CEP126: variants seen among roughly 807,000 people sequenced by gnomAD.
CEP126 encodes centrosomal protein 126, also known as centrosomal protein of 126 kDa.
In CEP126, 74 loss-of-function variants were observed where a neutral mutation model predicts 107.8. That is an observed-to-expected ratio of 0.69 (90% CI 0.57 to 0.83). CEP126 has a LOEUF of 0.83. Among genes scored for constraint, CEP126 ranks in the 40% least tolerant of loss-of-function variants. The probability of loss-of-function intolerance (pLI) is 0.00; values close to 1 mark genes in which losing one functional copy is unlikely to be tolerated. For synonymous variants in CEP126, 449 were observed against 446.0 expected (o/e 1.01, Z -0.08); for missense variants, 1,237 against 1,281.9 (o/e 0.96, Z 0.53).
At chr11:101,941,611 A>G (rs1940665450) in intron 2 of CEP126, among the ~76,000 whole-genome samples, 1 of 152,162 alleles carries the variant, frequency 6.6e-6, no homozygotes, top group Non-Finnish European at 1.5e-5. Flanking sequence ...AAATGGGTAT[A>G]AAAATATCTG....
chr11:101,917,772 A>G (rs1383906792), intron 1 of CEP126, among the ~76,000 whole-genome samples: 2 of 152,018 alleles, frequency 1.3e-5, no homozygotes, highest in East Asian at 1.9e-4. Flanking sequence ...TCTCTCACCA[A>G]CATCTTTGGC....
intron 1 of CEP126, among the ~76,000 whole-genome samples, chr11:101,921,969 A>G (rs1940335337): frequency 1.3e-5 from 2 of 150,880 alleles, no homozygotes; most frequent in East Asian, 2.0e-4. Flanking sequence ...TGTTTTCAGT[A>G]GAGACAGGTT....
chr11:101,938,934 A>G (rs1940629934), intron 2 of CEP126, among the ~76,000 whole-genome samples: 1 of 152,196 alleles, frequency 6.6e-6, no homozygotes, highest in Non-Finnish European at 1.5e-5. Flanking sequence ...GGTCAAAAAC[A>G]TACCCTGTAA....
Position 101,915,247 on chromosome 11 carries a change from T to A in CEP126, c.-38T>A, listed in dbSNP as rs368560519. On this transcript the variant is annotated 5_prime_UTR_variant, in exon 1 of 11. Transcript: ENST00000263468. ...GAAGCCGGAGCTGCCATGAGGGAGG[T>A]TCTGGGGGCGAGCAGACAGGCGGCG... The A allele has an allele frequency of 1.9e-6, 3 of 1,605,702 alleles. No individual in the cohort carries two copies. Among genetic ancestry groups the A allele is most frequent in the Non-Finnish European group, 2.6e-6 (3 of 1,176,190 alleles).
chr11:101,946,085 A>G (rs549311834), intron 3 of CEP126, among the ~76,000 whole-genome samples: 1 of 152,328 alleles, frequency 6.6e-6, no homozygotes, highest in African/African-American at 2.4e-5. Flanking sequence ...CTCCTAAATT[A>G]AAGCAGTGCA....
At chr11:101,968,158 TTTTTA>T (rs1206568405) in intron 6 of CEP126, among the ~76,000 whole-genome samples, 1 of 152,138 alleles carries the variant, frequency 6.6e-6, no homozygotes, top group East Asian at 1.9e-4. Flanking sequence ...CTATGAGACT[TTTTTA>T]GCGGGAGATT....
At chr11:101,938,958 T>A (rs756497046) in intron 2 of CEP126, among the ~76,000 whole-genome samples, 2 of 152,192 alleles carry the variant, frequency 1.3e-5, no homozygotes, top group Non-Finnish European at 2.9e-5. Flanking sequence ...TTTAATCTTA[T>A]GAAATTCATT....
intron 9 of CEP126, among the ~76,000 whole-genome samples, chr11:101,990,374 C>T (rs1375376179): frequency 2.0e-5 from 3 of 152,152 alleles, no homozygotes; most frequent in Non-Finnish European, 4.4e-5. Context: ...ACAGAGGCAG[C>T]GTACCTTCTT....
chr11:101,992,771 A>C lies in CEP126; in HGVS notation c.3245-7A>C. The C allele has an allele frequency of 7.2e-7, 1 of 1,393,068 alleles. No individual in the cohort carries two copies. Among genetic ancestry groups the C allele is most frequent in the Non-Finnish European group, 9.8e-7 (1 of 1,015,724 alleles). 86.3% of individuals were successfully genotyped at this position (1,393,068 alleles called of 1,614,324 possible). A position where few individuals can be genotyped will look rare whatever the true frequency, so the allele number is the denominator to read the frequency against. On this transcript the variant is annotated splice_polypyrimidine_tract_variant and splice_region_variant and intron_variant, in intron 9 of 10. Coordinates refer to ENST00000263468, the MANE Select transcript of CEP126 (RefSeq NM_020802.4). ...ATTATTTTGGTATTGTGATATAATT[A>C]TTTCAGATATACAAGAATCCATTTG... is the stretch of plus-strand genomic sequence containing the variant.
In CEP126 at chr11:101,997,849, A is replaced by G. The variant is rs771933907; in HGVS notation, c.*206A>G. The stretch of plus-strand genomic sequence containing the variant: ...AGTTTAACAGAGTTCTGAGAATACC[A>G]TGAAAGACATTATGCCTGCCTAAAC... On this transcript the variant is annotated 3_prime_UTR_variant, in exon 11 of 11. Transcript: ENST00000263468. 2.5e-5 allele frequency: 15 copies of G among 607,438 alleles called. No homozygotes were observed. The highest frequency in any genetic ancestry group is 3.6e-5 in the Non-Finnish European group (13 of 356,948). 37.6% of individuals were successfully genotyped at this position (607,438 alleles called of 1,614,324 possible).
chr11:101,972,896 T>C (rs896371970), intron 6 of CEP126, among the ~76,000 whole-genome samples: 6 of 152,250 alleles, frequency 3.9e-5, no homozygotes, highest in South Asian at 2.1e-4. Flanking sequence ...TGTCCACTTA[T>C]GAAACTTCTA....
intron 1 of CEP126, among the ~76,000 whole-genome samples, chr11:101,917,175 A>G (rs997190232): frequency 6.6e-6 from 1 of 152,076 alleles, no homozygotes; most frequent in African/African-American, 2.4e-5. Flanking sequence ...TTTGAACATA[A>G]TAAAGATTAT....
intron 2 of CEP126, among the ~76,000 whole-genome samples, chr11:101,939,362 G>A (rs1940635543): frequency 6.6e-6 from 1 of 152,068 alleles, no homozygotes; most frequent in African/African-American, 2.4e-5. Context: ...ATTTCTTAAA[G>A]TCCAATATTA....
chr11:101,921,706 C>CAA (rs1169976779), intron 1 of CEP126, among the ~76,000 whole-genome samples: 22 of 49,334 alleles, frequency 4.5e-4, no homozygotes, highest in East Asian at 3.4e-3. Flanking sequence ...GACTCTGTCT[C>CAA]AAAAAAAAAA....
chr11:101,989,275 A>G (rs1356164274), intron 9 of CEP126, among the ~76,000 whole-genome samples: 1 of 152,206 alleles, frequency 6.6e-6, no homozygotes, highest in Non-Finnish European at 1.5e-5. Context: ...TTATGTATCT[A>G]TCAGATTTTC....
In CEP126 at chr11:101,921,728, G is replaced by T. The variant is rs866334573; in HGVS notation, c.129-913G>T. On this transcript the variant is annotated intron_variant, in intron 1 of 10. Coordinates refer to ENST00000263468, the MANE Select transcript of CEP126 (RefSeq NM_020802.4). ...TCTCAAAAAAAAAAAAAAAAAAACT[G>T]TGTAATGAATGAAGATATACAGTCC... 1.6e-4 allele frequency among the ~76,000 whole-genome samples: 21 copies of T among 130,472 alleles called. No individual in the cohort carries two copies. The East Asian group carries it at 3.4e-3, about 21-fold the overall frequency. The allele number at this position is 130,472 out of a possible 152,430, so 85.6% of individuals were successfully genotyped here.
chr11:101,989,490 T>G (rs1277000808), intron 9 of CEP126, among the ~76,000 whole-genome samples: 2 of 152,026 alleles, frequency 1.3e-5, no homozygotes, highest in Non-Finnish European at 2.9e-5. Context: ...ACCACACACA[T>G]ATTATACGTA....
At chr11:101,961,173 A>T (rs989223013) in intron 5 of CEP126, among the ~76,000 whole-genome samples, 1 of 152,086 alleles carries the variant, frequency 6.6e-6, no homozygotes, top group African/African-American at 2.4e-5. Flanking sequence ...CCAAGTATTA[A>T]ATCAGCAGGA....
At chr11:101,916,726 G>A (rs1252092293) in intron 1 of CEP126, among the ~76,000 whole-genome samples, 1 of 152,082 alleles carries the variant, frequency 6.6e-6, no homozygotes, top group East Asian at 1.9e-4. Context: ...TATTGTAAAT[G>A]GCTCATTGAG....
Sources: allele counts gnomAD v4.1 joint callset (sites outside exome capture counted in the v4.1 genomes callset), GRCh38; gene constraint gnomAD v4.1.1; transcripts MANE v1.5; gene names NCBI Gene and HGNC (gene_info 2026-07-23, HGNC 2026-07-21).